Variants in MAPKAPK5 observed in about 807,000 individuals in gnomAD.
MAPKAPK5 encodes MAP kinase-activated protein kinase 5.
MAPKAPK5 carries 30 observed loss-of-function variants against 65.1 expected under a neutral mutation model. The observed-to-expected ratio is 0.46, with a 90% confidence interval of 0.34 to 0.63. The LOEUF is 0.63. Ranked by LOEUF, MAPKAPK5 falls within the 20% of genes least tolerant of loss-of-function variation. MAPKAPK5 has a pLI of 0.01. For missense variants in MAPKAPK5, 433 were observed against 581.4 expected (o/e 0.74, Z 2.63); for synonymous variants, 179 against 204.6 (o/e 0.87, Z 1.07).
chr12:111,864,513 A>G (rs1242781725), intron 1 of MAPKAPK5, among the ~76,000 whole-genome samples: 1 of 152,134 alleles, frequency 6.6e-6, no homozygotes, highest in Non-Finnish European at 1.5e-5. Context: ...TCTTATAATA[A>G]ATAAGTGAGT....
At chr12:111,881,201 G>A (rs767304362) in intron 8 of MAPKAPK5, among the ~76,000 whole-genome samples, 1 of 151,888 alleles carries the variant, frequency 6.6e-6, no homozygotes, top group Non-Finnish European at 1.5e-5. Flanking sequence ...AGTCTCCCAG[G>A]TAGCTGAGAT....
In MAPKAPK5 at chr12:111,899,849, A is replaced by T; in HGVS notation, c.*6788A>T. On this transcript the variant is annotated 3_prime_UTR_variant, in exon 14 of 14. Transcript: ENST00000550735. ...AAGACGGTTTGAACATGTGTTATAC[A>T]CCATGGCACATCAAGCGTGAGTCTC... 2.2e-6 allele frequency: 1 copy of T among 453,100 alleles called. No homozygotes were observed. Among genetic ancestry groups the T allele is most frequent in the Admixed American group, 2.4e-5 (1 of 42,500 alleles). 28.1% of individuals were successfully genotyped at this position (453,100 alleles called of 1,614,324 possible).
Position 111,896,685 on chromosome 12 carries a change from CCTT to C in MAPKAPK5, c.*3627_*3629del, listed in dbSNP as rs1188947278. 3 of 152,156 alleles carry C rather than the reference CCTT, an allele frequency of 2.0e-5. No individual in the cohort carries two copies. Among genetic ancestry groups the C allele is most frequent in the Non-Finnish European group, 4.4e-5 (3 of 68,042 alleles). The allele number at this position is 152,156 out of a possible 1,614,324, so 9.4% of individuals were successfully genotyped here. ...CCTGTTTGCCTACATGATTTATTAA[CCTT>C]CTGCTTACTAAAGCCATTACTGGTC... On this transcript the variant is annotated 3_prime_UTR_variant, in exon 14 of 14. Coordinates refer to ENST00000550735, the MANE Select transcript of MAPKAPK5 (RefSeq NM_003668.4).
chr12:111,848,514 A>G (rs1008702614), intron 1 of MAPKAPK5, among the ~76,000 whole-genome samples: 1 of 151,520 alleles, frequency 6.6e-6, no homozygotes, highest in African/African-American at 2.4e-5. Flanking sequence ...CCCGGGTTCA[A>G]GTGATTCTCC....
intron 1 of MAPKAPK5, among the ~76,000 whole-genome samples, chr12:111,844,214 G>A (rs2068833973): frequency 2.7e-5 from 4 of 149,404 alleles, no homozygotes; most frequent in Non-Finnish European, 4.4e-5. Context: ...TTTTTGAGTC[G>A]GAGTCTGGCT....
rs185846589 is a variant in MAPKAPK5 at position 111,859,237 on chromosome 12, T to C, written c.37-6013T>C. ...TTAATTGCTTAGAATTAAACCAGAA[T>C]CTATTTTTCCTTTGGTGTGCTAATG... On this transcript the variant is annotated intron_variant, in intron 1 of 13. Transcript: ENST00000550735. 3.0e-3 allele frequency among the ~76,000 whole-genome samples: 441 copies of C among 148,666 alleles called. 40 individuals carry two copies. The highest frequency in any genetic ancestry group is 0.011 in the African/African-American group (426 of 40,222).
At chr12:111,850,894 A>G (rs1308299277) in intron 1 of MAPKAPK5, among the ~76,000 whole-genome samples, 1 of 130,438 alleles carries the variant, frequency 7.7e-6, no homozygotes, top group Non-Finnish European at 1.6e-5. Flanking sequence ...ATGAGAACCC[A>G]TTTTCTTTTT....
chr12:111,854,490 C>T (rs751857457), intron 1 of MAPKAPK5, among the ~76,000 whole-genome samples: 1 of 152,038 alleles, frequency 6.6e-6, no homozygotes, highest in Non-Finnish European at 1.5e-5. Flanking sequence ...CCACCTGCCT[C>T]GGCCTCCCAA....
At chr12:111,864,902 T>C (rs932515975) in intron 1 of MAPKAPK5, among the ~76,000 whole-genome samples, 10 of 152,210 alleles carry the variant, frequency 6.6e-5, no homozygotes, top group Non-Finnish European at 1.0e-4. Context: ...TACTTGACCA[T>C]TGTAGCAAAG....
At chr12:111,842,805 C>G (rs375608831) in intron 1 of MAPKAPK5, 36 bp downstream of exon 1, 57 of 1,302,796 alleles carry the variant, frequency 4.4e-5, no homozygotes, top group Non-Finnish European at 5.0e-5. Context: ...CCCGCGTTGT[C>G]CTGTGGCGTT....
chr12:111,848,452 C>T (rs1239221624), intron 1 of MAPKAPK5, among the ~76,000 whole-genome samples: 2 of 142,648 alleles, frequency 1.4e-5, no homozygotes, highest in African/African-American at 2.6e-5. Flanking sequence ...CTTGCTCAGT[C>T]GCCCAGGCTG....
intron 12 of MAPKAPK5, 169 bp from the exon 13 acceptor site, chr12:111,889,871 A>T: frequency 3.5e-6 from 2 of 572,714 alleles, no homozygotes; most frequent in Admixed American, 3.0e-5. Flanking sequence ...CACATACCAG[A>T]TGCGGTCTAC....
chr12:111,876,060 A>AGTCGGGT lies in MAPKAPK5; in HGVS notation c.580-4384_580-4378dup, dbSNP rs1352038027. On this transcript the variant is annotated intron_variant, in intron 7 of 13. Transcript: ENST00000550735. The stretch of plus-strand genomic sequence containing the variant: ...GTCTCTACTAAAAAGACAAAATATT[A>AGTCGGGT]GTCGGGTGTGGTGGCAGCCACCTGT... Among the ~76,000 whole-genome samples, 46 of 151,170 alleles carry AGTCGGGT rather than the reference A, an allele frequency of 3.0e-4. 1 individual carries two copies. The highest frequency in any genetic ancestry group is 3.0e-3 in the Admixed American group (45 of 15,174).
chr12:111,844,782 A>G (rs1008372981), intron 1 of MAPKAPK5, among the ~76,000 whole-genome samples: 1 of 152,204 alleles, frequency 6.6e-6, no homozygotes, highest in African/African-American at 2.4e-5. Flanking sequence ...TCTGATGGAA[A>G]TGCGAGAGCA....
At chr12:111,862,475 C>T (rs1018419297) in intron 1 of MAPKAPK5, among the ~76,000 whole-genome samples, 7 of 151,974 alleles carry the variant, frequency 4.6e-5, no homozygotes, top group South Asian at 2.1e-4. Context: ...CCAAGGTGGG[C>T]GGATCACCTG....
In MAPKAPK5 at chr12:111,883,736, G is replaced by C; in HGVS notation, c.816G>C (p.Gln272His). Residue 272 changes from glutamine (Q) to histidine (H), a missense_variant, in exon 9 of 14, where the codon CAG becomes CAC. By Grantham distance (24) the Gln-to-His change is conservative (BLOSUM62 0). This residue lies in a region of MAPKAPK5 where 99 missense variants were observed against 185.8 expected (regional missense o/e 0.53). Transcript: ENST00000550735. This position sits in a 1 kb window ranked among gnomAD's most constrained non-coding sequence, Gnocchi z 4.8. ...AGTTCCCAGAGGAAGAGTGGAGTCAGATCTCAGAGATGGCCAAAGATGTTG... is the reference window on the plus strand; with the variant it reads ...AGTTCCCAGAGGAAGAGTGGAGTCACATCTCAGAGATGGCCAAAGATGTTG... ...SFEFPEEEWSQISEMAKDVVR... is the reference protein window; with the variant it reads ...SFEFPEEEWSHISEMAKDVVR... 6.2e-7 allele frequency: 1 copy of C among 1,613,940 alleles called. No individual in the cohort carries two copies. The highest frequency in any genetic ancestry group is 1.1e-5 in the South Asian group (1 of 91,080).
intron 2 of MAPKAPK5, 148 bp downstream of exon 2, chr12:111,865,471 A>G: frequency 1.6e-6 from 1 of 633,294 alleles, no homozygotes; most frequent in Non-Finnish European, 2.8e-6. Flanking sequence ...TTTTTATGTT[A>G]GGCTTTTTCT....
intron 7 of MAPKAPK5, among the ~76,000 whole-genome samples, chr12:111,873,968 A>G (rs2069868728): frequency 6.6e-6 from 1 of 152,198 alleles, no homozygotes; most frequent in Non-Finnish European, 1.5e-5. Flanking sequence ...TGAACAAGGT[A>G]TATATCTCTC....
chr12:111,848,375 C>T (rs1381270530), intron 1 of MAPKAPK5, among the ~76,000 whole-genome samples: 5 of 146,696 alleles, frequency 3.4e-5, no homozygotes, highest in African/African-American at 1.3e-4. Flanking sequence ...ATTCATGTTT[C>T]TTTTCTGGTG....
Sources: gnomAD v4.1 joint callset for allele counts (sites outside exome capture counted in the v4.1 genomes callset) on GRCh38, gnomAD v4.1.1 for gene constraint, gnomAD v4.1.1 regional missense constraint, Gnocchi (gnomAD v3.1) non-coding constraint, MANE v1.5 for transcripts, NCBI Gene and HGNC (gene_info 2026-07-23, HGNC 2026-07-21) for gene names.